The following DNM3 variants were observed in gnomAD, a reference collection of about 807,000 sequenced individuals.
DNM3 encodes dynamin 3, also known as dynamin-3.
A neutral mutation model predicts 101.6 loss-of-function variants in DNM3; 47 were observed. That is an observed-to-expected ratio of 0.46 (90% CI 0.37 to 0.59). The LOEUF (loss-of-function observed/expected upper bound fraction) is 0.59, where lower values mean the gene tolerates loss of function less well. Among genes scored for constraint, DNM3 ranks in the 20% least tolerant of loss-of-function variants. The pLI, the probability that DNM3 is intolerant of heterozygous loss-of-function variation, is 0.00. For synonymous variants in DNM3, 385 were observed against 387.9 expected (o/e 0.99, Z 0.09); for missense variants, 849 against 1,085.7 (o/e 0.78, Z 3.06).
At chr1:172,003,945 C>T (rs1176206320) in intron 4 of DNM3, among the ~76,000 whole-genome samples, 1 of 151,896 alleles carries the variant, frequency 6.6e-6, no homozygotes, top group Non-Finnish European at 1.5e-5. Context: ...TGCATCTGCA[C>T]CAAGCTTAGT....
chr1:172,301,680 G>T (rs147367873), intron 15 of DNM3, among the ~76,000 whole-genome samples: 148 of 152,054 alleles, frequency 9.7e-4, no homozygotes, highest in African/African-American at 3.5e-3. Flanking sequence ...ATTAGGAGAA[G>T]GTTAAATCAT....
intron 11 of DNM3, among the ~76,000 whole-genome samples, chr1:172,070,582 T>C (rs958428303): frequency 6.6e-6 from 1 of 152,196 alleles, no homozygotes; most frequent in Admixed American, 6.5e-5. Flanking sequence ...AGTTTTTGTT[T>C]TAGTAAAATG....
intron 14 of DNM3, among the ~76,000 whole-genome samples, chr1:172,160,216 G>A (rs1460773668): frequency 1.3e-5 from 2 of 151,952 alleles, no homozygotes; most frequent in Non-Finnish European, 1.5e-5. Flanking sequence ...TAGAAACACT[G>A]TACACTTGGG....
intron 2 of DNM3, among the ~76,000 whole-genome samples, chr1:171,943,722 A>T (rs186404350): frequency 1.9e-4 from 29 of 152,300 alleles, no homozygotes; most frequent in Middle Eastern, 6.8e-3. Context: ...TGTATAAATC[A>T]TGTGTAGCCT....
At position 172,124,264 on chromosome 1, in the gene DNM3, G is replaced by A. The variant is rs563276377; in HGVS notation, c.1546-6911G>A. On this transcript the variant is annotated intron_variant, in intron 13 of 20. Coordinates refer to ENST00000627582, the MANE Select transcript of DNM3 (RefSeq NM_015569.5). ...AAGTTCAAGAATTACATTCCCAAAG[G>A]TGTTTTTAAGAAGTTAGCTTTGCCA... is the stretch of plus-strand genomic sequence containing the variant. Among the ~76,000 whole-genome samples the A allele has an allele frequency of 4.6e-5, 7 of 152,226 alleles. No individual in the cohort carries two copies. The South Asian group carries it at 1.5e-3, about 32-fold the overall frequency.
At chr1:171,871,267 A>G (rs913914489) in intron 1 of DNM3, among the ~76,000 whole-genome samples, 3 of 152,226 alleles carry the variant, frequency 2.0e-5, no homozygotes, top group African/African-American at 7.2e-5. Context: ...TCAAATTGAC[A>G]GGAAGCATTG....
At chr1:172,413,087 A>AGAT (rs1253816421), downstream of DNM3, among the ~76,000 whole-genome samples, 2 of 152,318 alleles carry the variant, frequency 1.3e-5, no homozygotes, top group Non-Finnish European at 1.5e-5. Context: ...GAAGGAGGAA[A>AGAT]GATGGTGTGC....
chr1:171,857,757 G>T lies in DNM3; in HGVS notation c.161+15940G>T, dbSNP rs1015645802. The stretch of plus-strand genomic sequence containing the variant: ...AGGTACCATTATGGACTGAACGTTT[G>T]TATCTCCTCCACAAATTCATGTTGA... On this transcript the variant is annotated intron_variant, in intron 1 of 20. Transcript: ENST00000627582. 3.3e-5 allele frequency among the ~76,000 whole-genome samples: 5 copies of T among 152,128 alleles called. No homozygotes were observed. In the East Asian group the frequency reaches 9.6e-4, roughly 29 times the overall value.
intron 1 of DNM3, among the ~76,000 whole-genome samples, chr1:171,884,066 A>G (rs927108774): frequency 6.6e-6 from 1 of 152,236 alleles, no homozygotes; most frequent in African/African-American, 2.4e-5. Context: ...GATGTTCAGC[A>G]TGGCTGCATC....
intron 17 of DNM3, among the ~76,000 whole-genome samples, chr1:172,356,985 T>C (rs376675484): frequency 6.6e-6 from 1 of 151,966 alleles, no homozygotes; most frequent in African/African-American, 2.4e-5. Context: ...TGACTAAATC[T>C]GGGACAATTT....
Position 172,070,272 on chromosome 1 carries a change from C to T in DNM3, c.1422+1367C>T, listed in dbSNP as rs562768572. Reference sequence around the variant, plus strand: ...AACTCCTGAGTCAGTGAAATCAAGCCTAGAGCCAGATATGGAGCCCTAGGG... The same window carrying T: ...AACTCCTGAGTCAGTGAAATCAAGCTTAGAGCCAGATATGGAGCCCTAGGG... On this transcript the variant is annotated intron_variant, in intron 11 of 20. Coordinates refer to ENST00000627582, the MANE Select transcript of DNM3 (RefSeq NM_015569.5). Among the ~76,000 whole-genome samples, 231 of 152,214 alleles carry T rather than the reference C, an allele frequency of 1.5e-3. 2 individuals are homozygous for T. The highest frequency in any genetic ancestry group is 1.3e-3 in the Non-Finnish European group (89 of 67,998).
intron 17 of DNM3, among the ~76,000 whole-genome samples, chr1:172,352,115 G>C (rs1200645430): frequency 6.6e-6 from 1 of 152,122 alleles, no homozygotes; most frequent in Non-Finnish European, 1.5e-5. Context: ...CATTCCACTG[G>C]ATGATCCCAT....
chr1:172,069,483 T>C (rs1406035379), intron 11 of DNM3, among the ~76,000 whole-genome samples: 2 of 152,194 alleles, frequency 1.3e-5, no homozygotes, highest in Non-Finnish European at 2.9e-5. Flanking sequence ...GACCCTGAAA[T>C]TGTTTTCTAA....
At chr1:172,054,076 T>A (rs1376466252) in intron 10 of DNM3, among the ~76,000 whole-genome samples, 1 of 152,110 alleles carries the variant, frequency 6.6e-6, no homozygotes, top group Non-Finnish European at 1.5e-5. Flanking sequence ...ATATTGTAAT[T>A]ATATATATAT....
chr1:172,083,918 A>G (rs1322360490), intron 12 of DNM3, among the ~76,000 whole-genome samples: 2 of 152,180 alleles, frequency 1.3e-5, no homozygotes, highest in East Asian at 1.9e-4. Context: ...GTCTGGTCCT[A>G]TTTTTCCAGC....
At chr1:172,241,561 G>A (rs541174157) in intron 14 of DNM3, among the ~76,000 whole-genome samples, 2 of 152,146 alleles carry the variant, frequency 1.3e-5, no homozygotes, top group East Asian at 3.9e-4. Context: ...TATTAAGAGG[G>A]ATAAATCACT....
At chr1:172,042,564 G>A (rs1345470973) in intron 8 of DNM3, among the ~76,000 whole-genome samples, 1 of 152,126 alleles carries the variant, frequency 6.6e-6, no homozygotes, top group African/African-American at 2.4e-5. Context: ...GGATGGGTGA[G>A]CCACTTTTAA....
chr1:172,051,800 C>A (rs1214894900), intron 10 of DNM3, among the ~76,000 whole-genome samples: 2 of 152,144 alleles, frequency 1.3e-5, no homozygotes, highest in African/African-American at 4.8e-5. Flanking sequence ...GTACATCCAT[C>A]ATTAGTTTTT....
intron 15 of DNM3, chr1:172,289,940 A>C: frequency 3.2e-6 from 3 of 942,236 alleles, no homozygotes; most frequent in Non-Finnish European, 3.8e-6. Flanking sequence ...TATTATCTGT[A>C]AGGTAAAAGA....
Sources: allele counts gnomAD v4.1 joint callset (sites outside exome capture counted in the v4.1 genomes callset), GRCh38; gene constraint gnomAD v4.1.1; transcripts MANE v1.5; gene names NCBI Gene and HGNC (gene_info 2026-07-23, HGNC 2026-07-21).